KIF15: variants seen among roughly 807,000 people sequenced by gnomAD.
KIF15 encodes the protein kinesin family member 15, also known as kinesin-like protein KIF15.
KIF15 carries 140 observed loss-of-function variants against 190.6 expected under a neutral mutation model. The ratio of observed to expected loss-of-function variants is 0.73; its 90% CI spans 0.64 to 0.84. The LOEUF is 0.84. KIF15 is among the 40% of genes least tolerant of loss of function. KIF15 has a pLI of 0.00. For synonymous variants in KIF15, 528 were observed against 551.3 expected (o/e 0.96, Z 0.59); for missense variants, 1,372 against 1,584.4 (o/e 0.87, Z 2.28).
chr3:44,774,721 CCCTT>C (rs1705792734), intron 2 of KIF15, among the ~76,000 whole-genome samples: 1 of 152,174 alleles, frequency 6.6e-6, no homozygotes, highest in Admixed American at 6.5e-5. Context: ...AACACACACT[CCCTT>C]TGAGTTCAAG....
chr3:44,861,378 C>T (rs1424958867), intron 6 of KIF15, among the ~76,000 whole-genome samples: 1 of 152,266 alleles, frequency 6.6e-6, no homozygotes, highest in Non-Finnish European at 1.5e-5. Context: ...TTGTCTTCCT[C>T]TCATCGCAGA....
At chr3:44,797,427 T>C in intron 8 of KIF15, 124 bp from the exon 9 acceptor site, 2 of 897,798 alleles carry the variant, frequency 2.2e-6, no homozygotes, top group Non-Finnish European at 3.5e-6. Flanking sequence ...AGTTGTTCTT[T>C]ATTAACATTG....
At chr3:44,815,191 T>C in intron 20 of KIF15, 115 bp downstream of exon 20, 1 of 922,632 alleles carries the variant, frequency 1.1e-6, no homozygotes, top group Non-Finnish European at 1.5e-6. Context: ...AAAAAGATAA[T>C]TTATTGGCTC....
intron 9 of KIF15, 68 bp from the exon 10 acceptor site, chr3:44,797,766 C>A (rs1707059594): frequency 1.4e-5 from 22 of 1,603,258 alleles, no homozygotes; most frequent in Non-Finnish European, 6.0e-6. Flanking sequence ...CAAGAGTATA[C>A]ATTTTCTTTG....
At chr3:44,779,175 T>G (rs1464587721) in intron 4 of KIF15, among the ~76,000 whole-genome samples, 3 of 152,206 alleles carry the variant, frequency 2.0e-5, no homozygotes, top group Non-Finnish European at 4.4e-5. Flanking sequence ...TTGGTTTTTG[T>G]GTCCCTTTGC....
At chr3:44,854,808 A>G (rs950370334), downstream of KIF15, among the ~76,000 whole-genome samples, 5 of 152,190 alleles carry the variant, frequency 3.3e-5, no homozygotes, top group African/African-American at 1.2e-4. Context: ...GTTGTCAGGA[A>G]TCCTTGGTGT....
intron 20 of KIF15, among the ~76,000 whole-genome samples, chr3:44,815,383 T>C (rs140339130): frequency 6.6e-6 from 1 of 152,292 alleles, no homozygotes; most frequent in African/African-American, 2.4e-5. Flanking sequence ...CACAGCTCCA[T>C]ATTTTGGTTC....
chr3:44,839,197 C>T (rs1575675461), intron 27 of KIF15, among the ~76,000 whole-genome samples: 8 of 152,060 alleles, frequency 5.3e-5, no homozygotes, highest in Admixed American at 6.5e-5. Flanking sequence ...GGTGAACCCC[C>T]GTCTCTACTG....
rs1470892898 is a variant in KIF15 at position 44,821,215 on chromosome 3, G to A, written c.2550-4824G>A. Among the ~76,000 whole-genome samples, 57 of 141,558 alleles carry A rather than the reference G, an allele frequency of 4.0e-4. 1 individual carries two copies. Among genetic ancestry groups the A allele is most frequent in the South Asian group, 3.2e-3 (14 of 4,398 alleles). The allele number at this position is 141,558 out of a possible 152,430, so 92.9% of individuals were successfully genotyped here. A position where few individuals can be genotyped will look rare whatever the true frequency, so the allele number is the denominator to read the frequency against. On this transcript the variant is annotated intron_variant, in intron 20 of 34. Coordinates refer to ENST00000326047, the MANE Select transcript of KIF15 (RefSeq NM_020242.3). ...CCAGTAGGGGCGGCTGGGCAGAGGCGCCCCTCACCTCCCGGACGGGGCGGC... is the reference window on the plus strand; with the variant it reads ...CCAGTAGGGGCGGCTGGGCAGAGGCACCCCTCACCTCCCGGACGGGGCGGC...
At position 44,838,312 on chromosome 3, in the gene KIF15, A is replaced by C; in HGVS notation, c.3209A>C (p.Glu1070Ala). The C allele has an allele frequency of 6.2e-7, 1 of 1,613,940 alleles. No individual in the cohort carries two copies. Among genetic ancestry groups the C allele is most frequent in the Non-Finnish European group, 8.5e-7 (1 of 1,179,960 alleles). Reference protein sequence around the residue: ...MLCEDLAHATEQLNMLTEASK... With the variant: ...MLCEDLAHATAQLNMLTEASK... ...TGTGAGGACCTGGCTCATGCCACTG[A>C]GCAGCTGAACATGCTCACAGAGGCC... is the stretch of plus-strand genomic sequence containing the variant. The change falls in exon 27 of 35, where the codon GAG becomes GCG. Residue 1070 changes from glutamate (E) to alanine (A), a missense_variant. Coordinates refer to ENST00000326047, the MANE Select transcript of KIF15 (RefSeq NM_020242.3).
At chr3:44,835,358 G>C (rs1698260104) in intron 26 of KIF15, among the ~76,000 whole-genome samples, 1 of 152,070 alleles carries the variant, frequency 6.6e-6, no homozygotes. Context: ...TGCCACCTCA[G>C]CCTCCCAAGT....
intron 1 of KIF15, among the ~76,000 whole-genome samples, chr3:44,762,252 G>A (rs200564999): frequency 1.3e-5 from 2 of 152,174 alleles, no homozygotes; most frequent in African/African-American, 4.8e-5. Flanking sequence ...ATCGGCTTTT[G>A]CTCCCACCAG....
At chr3:44,840,715 C>T (rs967559512) in intron 28 of KIF15, among the ~76,000 whole-genome samples, 23 of 120,058 alleles carry the variant, frequency 1.9e-4, no homozygotes, top group African/African-American at 7.0e-4. Flanking sequence ...GTCACCCAGG[C>T]TGGAGTGCAG....
intron 1 of KIF15, among the ~76,000 whole-genome samples, chr3:44,771,485 T>G (rs1379739103): frequency 6.6e-6 from 1 of 152,232 alleles, no homozygotes; most frequent in Non-Finnish European, 1.5e-5. Flanking sequence ...ACCTCTCTTC[T>G]GGATGTGTCA....
chr3:44,787,998 G>T (rs1466448666), intron 7 of KIF15, among the ~76,000 whole-genome samples: 1 of 152,118 alleles, frequency 6.6e-6, no homozygotes, highest in Non-Finnish European at 1.5e-5. Context: ...GAGACTACAG[G>T]CGCGCACTGC....
Position 44,852,667 on chromosome 3 carries a change from A to C in KIF15, c.4105-6A>C, listed in dbSNP as rs1476059804. 6.3e-7 allele frequency: 1 copy of C among 1,577,088 alleles called. No homozygotes were observed. Among genetic ancestry groups the C allele is most frequent in the South Asian group, 1.2e-5 (1 of 85,396 alleles). ...TTTTTCTTTTTGTTTTTTTAAAATT[A>C]CTTAGGAGACAGAAAAGTTGCGTGC... On this transcript the variant is annotated splice_region_variant and splice_polypyrimidine_tract_variant and intron_variant, in intron 34 of 34. Coordinates refer to ENST00000326047, the MANE Select transcript of KIF15 (RefSeq NM_020242.3).
At chr3:44,832,940 G>A (rs987916238) in intron 26 of KIF15, among the ~76,000 whole-genome samples, 1 of 150,228 alleles carries the variant, frequency 6.7e-6, no homozygotes, top group South Asian at 2.1e-4. Flanking sequence ...GTTGCAGGAG[G>A]CAGAGGTTGC....
intron 26 of KIF15, among the ~76,000 whole-genome samples, chr3:44,834,001 G>T (rs541226803): frequency 6.6e-6 from 1 of 152,126 alleles, no homozygotes; most frequent in African/African-American, 2.4e-5. Context: ...ACTCATGCCT[G>T]TTTACCTAAA....
At chr3:44,839,079 A>G (rs929680215) in intron 27 of KIF15, among the ~76,000 whole-genome samples, 6 of 152,090 alleles carry the variant, frequency 3.9e-5, no homozygotes, top group African/African-American at 1.2e-4. Context: ...TGTGAGAGAA[A>G]AGGAGATGGG....
Sources: allele counts gnomAD v4.1 joint callset (sites outside exome capture counted in the v4.1 genomes callset), GRCh38; gene constraint gnomAD v4.1.1; transcripts MANE v1.5; gene names NCBI Gene and HGNC (gene_info 2026-07-23, HGNC 2026-07-21).